Variants in ANKRD44 observed in about 807,000 individuals in gnomAD.
ANKRD44 encodes the protein ankyrin repeat domain 44.
Under a neutral mutation model 116.0 loss-of-function variants are expected in ANKRD44, and 35 were observed. The observed-to-expected ratio is 0.30, with a 90% CI of 0.23 to 0.40. The LOEUF is 0.40. Among genes scored for constraint, ANKRD44 ranks in the 10% least tolerant of loss-of-function variants. The probability of loss-of-function intolerance (pLI) is 1.00; values close to 1 mark genes in which losing one functional copy is unlikely to be tolerated. For missense variants in ANKRD44, 1,014 were observed against 1,242.6 expected (o/e 0.82, Z 2.77); for synonymous variants, 435 against 461.8 (o/e 0.94, Z 0.74).
chr2:197,070,042 T>C (rs1028908504), intron 16 of ANKRD44, among the ~76,000 whole-genome samples: 20 of 152,170 alleles, frequency 1.3e-4, no homozygotes. Flanking sequence ...GGTATCTACA[T>C]ATTCATTCCT....
chr2:197,014,762 T>A (rs767499122), intron 17 of ANKRD44, among the ~76,000 whole-genome samples: 3 of 150,886 alleles, frequency 2.0e-5, no homozygotes, highest in Non-Finnish European at 2.9e-5. Flanking sequence ...CCAGCTTGAG[T>A]GACAGAGCAA....
intron 14 of ANKRD44, among the ~76,000 whole-genome samples, chr2:197,081,934 T>C (rs916556834): frequency 6.6e-6 from 1 of 152,178 alleles, no homozygotes; most frequent in African/African-American, 2.4e-5. Flanking sequence ...TGGAATATGA[T>C]TTCTTAAAAC....
chr2:197,124,830 G>T (rs2697267), intron 6 of ANKRD44, among the ~76,000 whole-genome samples: 10 of 152,284 alleles, frequency 6.6e-5, no homozygotes, highest in South Asian at 2.1e-4. Context: ...AAGGAAAAAC[G>T]TAGAAATGTG....
At position 197,125,371 on chromosome 2, in the gene ANKRD44, G is replaced by C. The variant is rs1462560347; in HGVS notation, c.550+10C>G. On this transcript the variant is annotated intron_variant, in intron 6 of 27. Transcript: ENST00000282272. Reference sequence around the variant, plus strand: ...ATCTGTACTTTGCTTTCCATGCATGGAATCCTTACCCATGTATGCTGCCCA... The same window carrying C: ...ATCTGTACTTTGCTTTCCATGCATGCAATCCTTACCCATGTATGCTGCCCA... The C allele has an allele frequency of 1.9e-6, 3 of 1,612,908 alleles. No homozygotes were observed. Among genetic ancestry groups the C allele is most frequent in the Non-Finnish European group, 1.7e-6 (2 of 1,178,974 alleles).
intron 2 of ANKRD44, among the ~76,000 whole-genome samples, chr2:197,164,361 G>A (rs2080049728): frequency 6.6e-6 from 1 of 152,168 alleles, no homozygotes; most frequent in African/African-American, 2.4e-5. Flanking sequence ...GCGCAGCTGC[G>A]GGGTCCCTGG....
chr2:197,145,961 T>C (rs1213201147), intron 3 of ANKRD44, among the ~76,000 whole-genome samples: 1 of 152,170 alleles, frequency 6.6e-6, no homozygotes, highest in Admixed American at 6.5e-5. Flanking sequence ...GTGAATAATC[T>C]ACAGTGAGAC....
At chr2:197,151,905 C>A (rs1358551987) in intron 2 of ANKRD44, among the ~76,000 whole-genome samples, 2 of 152,074 alleles carry the variant, frequency 1.3e-5, no homozygotes, top group African/African-American at 4.8e-5. Context: ...CAAACCCATC[C>A]ATATCCGAAC....
chr2:196,976,328 G>A (rs1308221206), intron 21 of ANKRD44, among the ~76,000 whole-genome samples: 1 of 151,946 alleles, frequency 6.6e-6, no homozygotes, highest in Non-Finnish European at 1.5e-5. Flanking sequence ...AGTAGAGACT[G>A]GGTTTTGCCA....
chr2:197,052,085 G>C (rs570086444), intron 16 of ANKRD44, among the ~76,000 whole-genome samples: 2 of 152,164 alleles, frequency 1.3e-5, no homozygotes, highest in East Asian at 3.8e-4. Context: ...TGTGATGGGA[G>C]TACCCCAATA....
At chr2:196,995,807 A>G (rs925472925) in intron 25 of ANKRD44, among the ~76,000 whole-genome samples, 3 of 152,218 alleles carry the variant, frequency 2.0e-5, no homozygotes, top group African/African-American at 7.2e-5. Flanking sequence ...TCTGAATCCT[A>G]TAACATTTAG....
intron 1 of ANKRD44, among the ~76,000 whole-genome samples, chr2:197,209,549 C>T (rs1449600750): frequency 2.0e-5 from 3 of 152,210 alleles, no homozygotes; most frequent in Admixed American, 6.5e-5. Context: ...GACTCTTCCT[C>T]AGCACTCAAG....
intron 27 of ANKRD44, among the ~76,000 whole-genome samples, chr2:196,991,112 G>A (rs2125875697): frequency 6.6e-6 from 1 of 152,262 alleles, no homozygotes; most frequent in East Asian, 1.9e-4. Flanking sequence ...GGGGGAGGGA[G>A]GGGGAGACAT....
At chr2:197,088,870 G>A (rs2077982662) in intron 11 of ANKRD44, 96 bp from the exon 12 acceptor site, 6 of 1,374,274 alleles carry the variant, frequency 4.4e-6, no homozygotes, top group Non-Finnish European at 6.0e-6. Flanking sequence ...AGAAAAATCA[G>A]TTAGTAGAAA....
At chr2:197,276,919 C>T (rs1574424278) in intron 1 of ANKRD44, among the ~76,000 whole-genome samples, 1 of 144,526 alleles carries the variant, frequency 6.9e-6, no homozygotes, top group East Asian at 2.2e-4. Flanking sequence ...GGGGCTAGAA[C>T]CCAGGAATTT....
At chr2:197,190,291 T>C (rs1233464846) in intron 1 of ANKRD44, among the ~76,000 whole-genome samples, 1 of 152,166 alleles carries the variant, frequency 6.6e-6, no homozygotes, top group Non-Finnish European at 1.5e-5. Context: ...GTTCTCCACA[T>C]CCCAAAGCCT....
At chr2:197,205,688 A>G (rs1194848797) in intron 1 of ANKRD44, among the ~76,000 whole-genome samples, 2 of 152,194 alleles carry the variant, frequency 1.3e-5, no homozygotes, top group African/African-American at 4.8e-5. Flanking sequence ...ATCAAGATAC[A>G]GTCCCAGGCT....
At chr2:197,094,684 T>C (rs1443757198) in intron 10 of ANKRD44, among the ~76,000 whole-genome samples, 1 of 152,240 alleles carries the variant, frequency 6.6e-6, no homozygotes, top group Non-Finnish European at 1.5e-5. Context: ...ACAAAAACAT[T>C]TCTTAAATTT....
intron 16 of ANKRD44, among the ~76,000 whole-genome samples, chr2:197,037,531 A>G (rs557448349): frequency 4.3e-4 from 65 of 152,370 alleles, no homozygotes; most frequent in African/African-American, 1.6e-3. Flanking sequence ...ATGAGACAGC[A>G]TTAGTGGAAT....
intron 16 of ANKRD44, among the ~76,000 whole-genome samples, chr2:197,075,071 G>A (rs974276477): frequency 6.6e-6 from 1 of 152,072 alleles, no homozygotes; most frequent in South Asian, 2.1e-4. Flanking sequence ...CAGAGAAGCA[G>A]CCAAATTCCA....
Sources: allele counts gnomAD v4.1 joint callset (sites outside exome capture counted in the v4.1 genomes callset), GRCh38; gene constraint gnomAD v4.1.1; transcripts MANE v1.5; gene names NCBI Gene and HGNC (gene_info 2026-07-23, HGNC 2026-07-21).